Variants in USP38 observed in about 807,000 individuals in gnomAD.
USP38 encodes the protein ubiquitin specific peptidase 38, also known as ubiquitin carboxyl-terminal hydrolase 38.
Under a neutral mutation model 94.3 loss-of-function variants are expected in USP38, and 49 were observed. That is an observed-to-expected ratio of 0.52 (90% CI 0.41 to 0.66). USP38 has a LOEUF of 0.66. USP38 is among the 30% of genes least tolerant of loss of function. USP38 has a pLI of 0.00. For missense variants in USP38, 1,128 were observed against 1,229.4 expected (o/e 0.92, Z 1.23); for synonymous variants, 468 against 463.6 (o/e 1.01, Z -0.12).
chr4:143,193,865 C>T (rs974046525), intron 2 of USP38, among the ~76,000 whole-genome samples: 3 of 152,146 alleles, frequency 2.0e-5, no homozygotes, highest in Non-Finnish European at 4.4e-5. Flanking sequence ...GTGGGCAAAT[C>T]ACTTGAGGCC....
At chr4:143,217,963 T>C (rs1304281154) in intron 9 of USP38, among the ~76,000 whole-genome samples, 2 of 152,166 alleles carry the variant, frequency 1.3e-5, no homozygotes, top group East Asian at 3.8e-4. Context: ...AGTATCTCCA[T>C]TGTTTTAATG....
In USP38 at chr4:143,220,632, G is replaced by GA. The variant is rs5862624; in HGVS notation, c.*185dup. ...ACATTTATTAACAAAATGCATCATG[G>GA]AAAAAAAAATCTACCTCTTAAAATT... On this transcript the variant is annotated 3_prime_UTR_variant, in exon 10 of 10. Transcript: ENST00000307017. 9.5e-5 allele frequency: 54 copies of GA among 571,022 alleles called. 1 individual carries two copies. The highest frequency in any genetic ancestry group is 1.2e-4 in the Non-Finnish European group (46 of 387,144). 35.4% of individuals were successfully genotyped at this position (571,022 alleles called of 1,614,324 possible).
At position 143,185,683 on chromosome 4, in the gene USP38, C is replaced by G; in HGVS notation, c.233C>G (p.Ser78Cys). 6.2e-7 allele frequency: 1 copy of G among 1,614,168 alleles called. No individual in the cohort carries two copies. Among genetic ancestry groups the G allele is most frequent in the Non-Finnish European group, 8.5e-7 (1 of 1,180,024 alleles). ...CGATACCACCGGCCAGAGTTCGAGT[C>G]CTTCTTCAACAAGACCTTCGTGTTG... ...YARYHRPEFESFFNKTFVLGL... is the reference protein window; with the variant it reads ...YARYHRPEFECFFNKTFVLGL... The change falls in exon 1 of 10, where the codon TCC becomes TGC. Residue 78 changes from serine (S) to cysteine (C), a missense_variant. Coordinates refer to ENST00000307017, the MANE Select transcript of USP38 (RefSeq NM_032557.6).
chr4:143,200,375 A>T (rs1455185474), intron 4 of USP38, among the ~76,000 whole-genome samples: 1 of 152,220 alleles, frequency 6.6e-6, no homozygotes, highest in African/African-American at 2.4e-5. Context: ...TATTAGAGGA[A>T]CATGTCTGAA....
At chr4:143,218,895 G>A (rs1057318654) in intron 9 of USP38, among the ~76,000 whole-genome samples, 80 of 152,016 alleles carry the variant, frequency 5.3e-4, no homozygotes, top group Admixed American at 3.3e-4. Flanking sequence ...GAACAATGAG[G>A]ATCTTTGGTT....
chr4:143,187,936 G>A lies in USP38; in HGVS notation c.793G>A (p.Ala265Thr). 1 of 1,613,574 alleles carries A rather than the reference G, an allele frequency of 6.2e-7. No individual in the cohort carries two copies. The highest frequency in any genetic ancestry group is 8.5e-7 in the Non-Finnish European group (1 of 1,179,702). Reference protein sequence around the residue: ...SLTTDPNVKDASMTQALCRMI... With the variant: ...SLTTDPNVKDTSMTQALCRMI... ...TACTACGGATCCAAATGTAAAAGATGCAAGTATGACCCAAGCCCTTTGCAG... is the reference window on the plus strand; with the variant it reads ...TACTACGGATCCAAATGTAAAAGATACAAGTATGACCCAAGCCCTTTGCAG... Residue 265 changes from alanine to threonine, a missense_variant, in exon 2 of 10, where the codon GCA (alanine) becomes ACA (threonine). Physicochemically the swap from Ala to Thr is moderately conservative, Grantham distance 58 (BLOSUM62 0). Transcript: ENST00000307017.
rs781391514 is a variant in USP38 at position 143,185,834 on chromosome 4, G to A, written c.384G>A (p.Gln128=). The part of the protein sequence containing the change: ...PSVLDLFSLL[Q]VEVLRMVCER... ...TGCTGGATCTCTTTAGCCTCCTGCAGGTAGAGGTGTTACGGATGGTGTGTG... is the reference window on the plus strand; with the variant it reads ...TGCTGGATCTCTTTAGCCTCCTGCAAGTAGAGGTGTTACGGATGGTGTGTG... The change falls in exon 1 of 10, where the codon CAG becomes CAA. Residue 128 remains glutamine (Q), a synonymous_variant. Transcript: ENST00000307017. 9.3e-6 allele frequency: 15 copies of A among 1,614,130 alleles called. No homozygotes were observed. The highest frequency in any genetic ancestry group is 1.3e-5 in the African/African-American group (1 of 74,948).
intron 5 of USP38, among the ~76,000 whole-genome samples, chr4:143,204,782 A>T (rs1731814580): frequency 6.6e-6 from 1 of 152,178 alleles, no homozygotes; most frequent in African/African-American, 2.4e-5. Flanking sequence ...AGAATAGGAG[A>T]ACTGAACTCA....
chr4:143,214,580 A>G lies in USP38; in HGVS notation c.2604A>G (p.Thr868=). 2 of 1,613,634 alleles carry G rather than the reference A, an allele frequency of 1.2e-6. No individual in the cohort carries two copies. Among genetic ancestry groups the G allele is most frequent in the Non-Finnish European group, 1.7e-6 (2 of 1,179,808 alleles). The change falls in exon 9 of 10, where the codon ACA becomes ACG. Residue 868 remains threonine (T), a synonymous_variant. Transcript: ENST00000307017. The stretch of plus-strand genomic sequence containing the variant: ...CTTATGCCAGGAATATCACAAGTAC[A>G]GACTCTTCATATCAGATGTACCACC... ...YYSYARNITS[T]DSSYQMYHQS...
chr4:143,195,639 T>C, intron 2 of USP38, 77 bp from the exon 3 acceptor site: 1 of 1,410,404 alleles, frequency 7.1e-7, no homozygotes, highest in Admixed American at 2.5e-5. Context: ...TGAGTGATTA[T>C]CTACTGTAAC....
rs758491785 is a variant in USP38 at position 143,213,899 on chromosome 4, A to G, written c.1923A>G (p.Gln641=). The change falls in exon 9 of 10, where the codon CAA becomes CAG. Residue 641 remains glutamine (Q), a synonymous_variant. Transcript: ENST00000307017. ...VQDPASSPSI[Q]DGGLMQASVP... ...ATCCAGCATCATCACCCAGTATACA[A>G]GATGGTGGTCTAATGCAAGCCTCTG... 1 of 1,613,900 alleles carries G rather than the reference A, an allele frequency of 6.2e-7. No individual in the cohort carries two copies. The highest frequency in any genetic ancestry group is 1.7e-5 in the Admixed American group (1 of 59,976).
chr4:143,195,194 T>C (rs1173609488), intron 2 of USP38, among the ~76,000 whole-genome samples: 5 of 152,286 alleles, frequency 3.3e-5, no homozygotes, highest in Admixed American at 3.3e-4. Context: ...CTTTTTAGAG[T>C]AAATTTGCCT....
At position 143,202,473 on chromosome 4, in the gene USP38, T is replaced by G. The variant is rs189653638; in HGVS notation, c.1051-935T>G. ...TAGCAACCCCAAAATGTTCTACAAA[T>G]AGAACAGAAGATACCTTTTACCATA... is the stretch of plus-strand genomic sequence containing the variant. On this transcript the variant is annotated intron_variant, in intron 4 of 9. Coordinates refer to ENST00000307017, the MANE Select transcript of USP38 (RefSeq NM_032557.6). Among the ~76,000 whole-genome samples, 231 of 152,202 alleles carry G rather than the reference T, an allele frequency of 1.5e-3. 2 individuals are homozygous for G. The Middle Eastern group carries it at 0.017, about 11-fold the overall frequency.
Position 143,219,482 on chromosome 4 carries a change from T to C in USP38, c.2968-813T>C, listed in dbSNP as rs1320504313. ...GAAATAATAGTGTTTTCGTTATTAA[T>C]GTTAACTGTATTTTGAAAGCTCTTC... On this transcript the variant is annotated intron_variant, in intron 9 of 9. Transcript: ENST00000307017. Among the ~76,000 whole-genome samples, 7 of 152,266 alleles carry C rather than the reference T, an allele frequency of 4.6e-5. No homozygotes were observed. The East Asian group carries it at 1.3e-3, about 29-fold the overall frequency.
intron 4 of USP38, among the ~76,000 whole-genome samples, chr4:143,201,776 T>C (rs1190299079): frequency 6.6e-6 from 1 of 152,198 alleles, no homozygotes; most frequent in Non-Finnish European, 1.5e-5. Context: ...ATAAGTTTTA[T>C]ACATTTCCTC....
chr4:143,191,706 C>A (rs1459295994), intron 2 of USP38, among the ~76,000 whole-genome samples: 1 of 152,020 alleles, frequency 6.6e-6, no homozygotes, highest in African/African-American at 2.4e-5. Flanking sequence ...GCTGGGAATC[C>A]AAAGATATAT....
Position 143,220,656 on chromosome 4 carries a change from T to G in USP38, c.*200T>G. The stretch of plus-strand genomic sequence containing the variant: ...GGAAAAAAAAATCTACCTCTTAAAA[T>G]TCCATTTGCTTTTATGGTTAGACAT... On this transcript the variant is annotated 3_prime_UTR_variant, in exon 10 of 10. Transcript: ENST00000307017. The G allele has an allele frequency of 2.0e-6, 1 of 512,084 alleles. No homozygotes were observed. The highest frequency in any genetic ancestry group is 3.0e-6 in the Non-Finnish European group (1 of 337,398). 31.7% of individuals were successfully genotyped at this position (512,084 alleles called of 1,614,324 possible). A position where few individuals can be genotyped will look rare whatever the true frequency, so the allele number is the denominator to read the frequency against.
At chr4:143,207,832 A>G (rs1731914357) in intron 6 of USP38, among the ~76,000 whole-genome samples, 1 of 152,186 alleles carries the variant, frequency 6.6e-6, no homozygotes, top group Non-Finnish European at 1.5e-5. Flanking sequence ...GCAAGAGCAA[A>G]TAAAAGGTTA....
In USP38 at chr4:143,185,422, C is replaced by G; in HGVS notation, c.-29C>G. On this transcript the variant is annotated 5_prime_UTR_variant, in exon 1 of 10. Transcript: ENST00000307017. ...GGCTGCCGCCACCCGCTCCTTATCCCCTGGCCCTGGCCTTGCAGCGTGGCG... is the reference window on the plus strand; with the variant it reads ...GGCTGCCGCCACCCGCTCCTTATCCGCTGGCCCTGGCCTTGCAGCGTGGCG... 1.9e-6 allele frequency: 3 copies of G among 1,547,726 alleles called. No homozygotes were observed. Among genetic ancestry groups the G allele is most frequent in the Non-Finnish European group, 2.6e-6 (3 of 1,144,628 alleles).
Sources: gnomAD v4.1 joint callset for allele counts (sites outside exome capture counted in the v4.1 genomes callset) on GRCh38, gnomAD v4.1.1 for gene constraint, MANE v1.5 for transcripts, NCBI Gene and HGNC (gene_info 2026-07-23, HGNC 2026-07-21) for gene names.